The following PHC2 variants were observed in gnomAD, a reference collection of about 807,000 sequenced individuals.
The protein encoded by PHC2 is polyhomeotic-like protein 2.
PHC2 carries 29 observed loss-of-function variants against 87.4 expected under a neutral mutation model. The ratio of observed to expected loss-of-function variants is 0.33; its 90% CI spans 0.25 to 0.45. The LOEUF is 0.45. Among genes scored for constraint, PHC2 ranks in the 20% least tolerant of loss-of-function variants. The probability of loss-of-function intolerance (pLI) is 1.00; values close to 1 mark genes in which losing one functional copy is unlikely to be tolerated. For missense variants in PHC2, 857 were observed against 1,136.7 expected (o/e 0.75, Z 3.54); for synonymous variants, 438 against 461.7 (o/e 0.95, Z 0.66).
chr1:33,356,856 A>C (rs1226035823), intron 7 of PHC2, among the ~76,000 whole-genome samples: 1 of 151,830 alleles, frequency 6.6e-6, no homozygotes, highest in Non-Finnish European at 1.5e-5. Flanking sequence ...CTCACTTCCC[A>C]GACAGGGCGG....
At chr1:33,391,782 A>G (rs1649064661) in intron 1 of PHC2, among the ~76,000 whole-genome samples, 1 of 152,218 alleles carries the variant, frequency 6.6e-6, no homozygotes, top group African/African-American at 2.4e-5. Context: ...GAGAGAGTAC[A>G]CAGAGGAATC....
intron 9 of PHC2, among the ~76,000 whole-genome samples, chr1:33,335,566 A>C (rs1646609946): frequency 6.6e-6 from 1 of 152,252 alleles, no homozygotes; most frequent in African/African-American, 2.4e-5. Flanking sequence ...CTTTGTGCTT[A>C]ATTATATAGT....
At chr1:33,363,841 G>T (rs1005729742) in intron 7 of PHC2, 12 of 985,152 alleles carry the variant, frequency 1.2e-5, no homozygotes, top group Non-Finnish European at 3.6e-6. Context: ...TTAGGACTCG[G>T]CTTCCCTGAA....
chr1:33,346,370 C>CAGT (rs1239224795), intron 9 of PHC2: 2 of 985,288 alleles, frequency 2.0e-6, no homozygotes, highest in Non-Finnish European at 2.4e-6. Context: ...GATCATCTTT[C>CAGT]AGTAGCAAAA....
At chr1:33,381,852 TA>T (rs761546530) in intron 1 of PHC2, among the ~76,000 whole-genome samples, 121 of 152,222 alleles carry the variant, frequency 7.9e-4, no homozygotes, top group Non-Finnish European at 1.5e-3. Context: ...CATCAACCAG[TA>T]TGAGAAATCA....
At chr1:33,346,732 G>A (rs1403939973) in intron 9 of PHC2, 1 of 985,212 alleles carries the variant, frequency 1.0e-6, no homozygotes, top group Non-Finnish European at 1.2e-6. Flanking sequence ...CTTGGCAAAT[G>A]GTTACTGAAC....
At chr1:33,427,134 A>G (rs1650705530) in intron 1 of PHC2, among the ~76,000 whole-genome samples, 2 of 152,318 alleles carry the variant, frequency 1.3e-5, no homozygotes, top group South Asian at 4.1e-4. Context: ...CTGGCAATTT[A>G]CTTAGTCTTT....
intron 1 of PHC2, among the ~76,000 whole-genome samples, chr1:33,415,351 A>G (rs547877358): frequency 4.6e-5 from 7 of 152,330 alleles, no homozygotes; most frequent in African/African-American, 1.4e-4. Flanking sequence ...GTTCACATCT[A>G]TCTGAGCAGA....
chr1:33,414,531 A>C (rs1157857169), intron 1 of PHC2, among the ~76,000 whole-genome samples: 2 of 152,222 alleles, frequency 1.3e-5, no homozygotes, highest in Non-Finnish European at 2.9e-5. Flanking sequence ...ATTTAAATAG[A>C]CAGTAGGGCA....
chr1:33,403,302 T>C (rs1260523678), intron 1 of PHC2, among the ~76,000 whole-genome samples: 3 of 151,122 alleles, frequency 2.0e-5, no homozygotes, highest in East Asian at 2.0e-4. Context: ...AATTTTTGTA[T>C]TTTTAGTAGA....
chr1:33,363,950 C>G (rs2148310550), intron 7 of PHC2: 1 of 970,894 alleles, frequency 1.0e-6, no homozygotes, highest in Middle Eastern at 5.3e-4. Context: ...TTCTCCTTCC[C>G]CTCCAAAGCC....
chr1:33,399,955 T>C (rs371137200), intron 1 of PHC2, among the ~76,000 whole-genome samples: 4 of 152,014 alleles, frequency 2.6e-5, no homozygotes, highest in Non-Finnish European at 5.9e-5. Flanking sequence ...TAGGGACTCT[T>C]AGAAATCAGT....
Position 33,368,068 on chromosome 1 carries a change from G to A in PHC2, c.663+468C>T, listed in dbSNP as rs377558011. ...TGCGAGTGCTAGGGGTTCCTTCCCC[G>A]GCTGCCCACAGAATCTTCCCAGCCA... On this transcript the variant is annotated intron_variant, in intron 6 of 14. Transcript: ENST00000683057. This position sits in a 1 kb window ranked among gnomAD's most constrained non-coding sequence, Gnocchi z 6.6. 3.9e-5 allele frequency among the ~76,000 whole-genome samples: 6 copies of A among 152,130 alleles called. No individual in the cohort carries two copies. The highest frequency in any genetic ancestry group is 2.1e-4 in the South Asian group (1 of 4,822).
chr1:33,366,845 C>T lies in PHC2; in HGVS notation c.976+271G>A, dbSNP rs1003978819. ...CTCCAGGTTGTGCCCACAGCTCCAC[C>T]GCTGTGGCTGCGTACCCTGATTCAT... On this transcript the variant is annotated intron_variant, in intron 7 of 14. Transcript: ENST00000683057. 8.5e-5 allele frequency among the ~76,000 whole-genome samples: 13 copies of T among 152,208 alleles called. No individual in the cohort carries two copies. In the East Asian group the frequency reaches 1.7e-3, roughly 20 times the overall value.
At chr1:33,336,519 C>T (rs1646640347) in intron 9 of PHC2, 1 of 152,094 alleles carries the variant, frequency 6.6e-6, no homozygotes, top group African/African-American at 2.4e-5. Flanking sequence ...CATTAAGTGC[C>T]TATATTCACT....
chr1:33,377,308 C>A (rs1441999968), intron 1 of PHC2, among the ~76,000 whole-genome samples: 3 of 152,146 alleles, frequency 2.0e-5, no homozygotes, highest in Non-Finnish European at 4.4e-5. Context: ...TTCACACTGC[C>A]CAGATCCAAT....
chr1:33,410,068 T>A (rs1022320945), intron 1 of PHC2, among the ~76,000 whole-genome samples: 1 of 152,234 alleles, frequency 6.6e-6, no homozygotes, highest in Non-Finnish European at 1.5e-5. Context: ...GCTGCTGAAT[T>A]GCTTGTCACA....
intron 2 of PHC2, among the ~76,000 whole-genome samples, chr1:33,374,287 C>A (rs1004043432): frequency 6.6e-6 from 1 of 152,132 alleles, no homozygotes; most frequent in African/African-American, 2.4e-5. Context: ...GAACAGGACC[C>A]CAGACCCCCT....
intron 9 of PHC2, among the ~76,000 whole-genome samples, chr1:33,343,414 G>C (rs889550906): frequency 7.1e-6 from 1 of 141,120 alleles, no homozygotes; most frequent in Non-Finnish European, 1.5e-5. Flanking sequence ...AGGTTGCAGT[G>C]AGCCGAGATT....
Sources: gnomAD v4.1 joint callset for allele counts (sites outside exome capture counted in the v4.1 genomes callset) on GRCh38, gnomAD v4.1.1 for gene constraint, Gnocchi (gnomAD v3.1) non-coding constraint, MANE v1.5 for transcripts, NCBI Gene and HGNC (gene_info 2026-07-23, HGNC 2026-07-21) for gene names.